Variants in CDH4 observed in about 807,000 individuals in gnomAD.
CDH4 encodes the protein cadherin 4, also known as cadherin-4.
In CDH4, 33 loss-of-function variants were observed where a neutral mutation model predicts 86.0. That is an observed-to-expected ratio of 0.38 (90% confidence interval 0.29 to 0.51). CDH4 has a LOEUF of 0.51. Among genes scored for constraint, CDH4 ranks in the 20% least tolerant of loss-of-function variants. The pLI is 0.86. For synonymous variants in CDH4, 555 were observed against 549.4 expected, an observed-to-expected ratio of 1.01 and a Z score of -0.14; for missense variants, 1,114 against 1,307.4, an observed-to-expected ratio of 0.85 and a Z score of 2.28.
At chr20:61,524,178 C>T (rs950236594) in intron 2 of CDH4, among the ~76,000 whole-genome samples, 4 of 152,166 alleles carry the variant, frequency 2.6e-5, no homozygotes, top group African/African-American at 9.7e-5. Context: ...TTGGTTTATG[C>T]TGCTGGGGTT....
chr20:61,846,411 G>A (rs538409243), intron 5 of CDH4, among the ~76,000 whole-genome samples: 53 of 152,306 alleles, frequency 3.5e-4, no homozygotes, highest in African/African-American at 1.0e-3. Flanking sequence ...TTGGGCTGCC[G>A]TCAACACGCG....
At chr20:61,771,001 T>C (rs180736295) in intron 3 of CDH4, among the ~76,000 whole-genome samples, 189 of 141,082 alleles carry the variant, frequency 1.3e-3, no homozygotes, top group African/African-American at 4.8e-3. Flanking sequence ...ATTTCTTTTT[T>C]CTTTTTTTCT....
chr20:61,304,294 C>T (rs1386274679), intron 2 of CDH4, among the ~76,000 whole-genome samples: 2 of 144,486 alleles, frequency 1.4e-5, no homozygotes, highest in Non-Finnish European at 3.0e-5. Context: ...TTGGTGTGGT[C>T]GTTATAGGAG....
intron 2 of CDH4, among the ~76,000 whole-genome samples, chr20:61,536,772 T>C (rs1192426647): frequency 1.3e-5 from 2 of 152,222 alleles, no homozygotes; most frequent in Non-Finnish European, 2.9e-5. Flanking sequence ...TGCCCTGGCA[T>C]CTGGTGGGTA....
At chr20:61,499,345 C>T (rs967747314) in intron 2 of CDH4, 133 of 809,396 alleles carry the variant, frequency 1.6e-4, no homozygotes, top group Admixed American at 3.4e-4. Flanking sequence ...AGTTTCGCCA[C>T]CTAGAAGGAT....
intron 2 of CDH4, among the ~76,000 whole-genome samples, chr20:61,565,112 G>A (rs1163922759): frequency 8.1e-6 from 1 of 123,652 alleles, no homozygotes; most frequent in Non-Finnish European, 1.8e-5. Flanking sequence ...TCTTGGTGGT[G>A]CTGGTGCTCT....
intron 4 of CDH4, among the ~76,000 whole-genome samples, chr20:61,795,914 T>C (rs902458022): frequency 2.0e-5 from 3 of 152,176 alleles, no homozygotes; most frequent in Admixed American, 2.0e-4. Context: ...AAGGGCGGGC[T>C]TTGTCCTGAG....
rs574471401 is a variant in CDH4, at chr20:61,868,225, C to A, written c.878-5503C>A. On this transcript the variant is annotated intron_variant, in intron 6 of 15. Coordinates refer to ENST00000614565, the MANE Select transcript of CDH4 (RefSeq NM_001794.5). ...AGAGGGGGTTCGTCCACGCCAGGAC[C>A]CCTTCCCAGGGCGGGCATCCTGGGG... 2.6e-3 allele frequency among the ~76,000 whole-genome samples: 394 copies of A among 152,318 alleles called. 1 individual carries two copies. Among genetic ancestry groups the A allele is most frequent in the Middle Eastern group, 0.01 (3 of 294 alleles).
At chr20:61,418,726 C>A (rs568511103) in intron 2 of CDH4, among the ~76,000 whole-genome samples, 1 of 152,054 alleles carries the variant, frequency 6.6e-6, no homozygotes, top group Non-Finnish European at 1.5e-5. Context: ...GTCTGGAGGC[C>A]GGAAGCCTGA....
intron 15 of CDH4, among the ~76,000 whole-genome samples, chr20:61,935,644 G>GGGA (rs1054924852): frequency 1.3e-5 from 2 of 152,006 alleles, no homozygotes; most frequent in Non-Finnish European, 2.9e-5. Context: ...CCAACACTTT[G>GGGA]GGAGGCCATG....
At chr20:61,647,778 C>T (rs1302765891) in intron 2 of CDH4, among the ~76,000 whole-genome samples, 1 of 152,142 alleles carries the variant, frequency 6.6e-6, no homozygotes, top group Admixed American at 6.5e-5. Context: ...CCTGACCCAT[C>T]TATTGCCTCT....
intron 3 of CDH4, 71 bp from the exon 4 acceptor site, chr20:61,772,932 C>G: frequency 7.3e-7 from 1 of 1,378,186 alleles, no homozygotes; most frequent in Non-Finnish European, 1.0e-6. Context: ...ATCATCTTAG[C>G]AGATGCCATT....
chr20:61,824,417 A>G (rs1338892180), intron 4 of CDH4, among the ~76,000 whole-genome samples: 3 of 152,100 alleles, frequency 2.0e-5, no homozygotes, highest in Non-Finnish European at 2.9e-5. Context: ...AAATGGATCA[A>G]TGATGGTGGA....
chr20:61,318,366 T>A (rs1300962638), intron 2 of CDH4, among the ~76,000 whole-genome samples: 1 of 152,246 alleles, frequency 6.6e-6, no homozygotes, highest in East Asian at 1.9e-4. Context: ...GGGTTTTGTT[T>A]GATCCTGTCC....
At chr20:61,727,157 TCATCATCATCAACACTGGAGC>T (rs1260803770) in intron 2 of CDH4, among the ~76,000 whole-genome samples, 2 of 147,324 alleles carry the variant, frequency 1.4e-5, no homozygotes, top group Non-Finnish European at 3.0e-5. Flanking sequence ...ACCATCAGAG[TCATCATCATCAACACTGGAGC>T]CATCATCACC....
chr20:61,279,278 C>T (rs931217988), intron 2 of CDH4, among the ~76,000 whole-genome samples: 9 of 152,212 alleles, frequency 5.9e-5, no homozygotes, highest in African/African-American at 2.2e-4. Context: ...AGTGGGGCTT[C>T]CTGGACTCCC....
intron 2 of CDH4, among the ~76,000 whole-genome samples, chr20:61,381,781 A>G (rs2084902506): frequency 6.6e-6 from 1 of 152,206 alleles, no homozygotes; most frequent in African/African-American, 2.4e-5. Context: ...AACTATTTAA[A>G]AAGATAACTG....
chr20:61,588,142 G>A (rs574738225), intron 2 of CDH4, among the ~76,000 whole-genome samples: 62 of 152,280 alleles, frequency 4.1e-4, no homozygotes, highest in African/African-American at 1.1e-3. Flanking sequence ...AGCCTGCCAC[G>A]ACCCTTCTGG....
intron 4 of CDH4, among the ~76,000 whole-genome samples, chr20:61,785,820 CT>C (rs150489761): frequency 0.014 from 2,166 of 152,364 alleles, 59 homozygotes; most frequent in African/African-American, 0.047. Context: ...GCAGAGGCCC[CT>C]GATGCTCCAG....
Sources: allele counts gnomAD v4.1 joint callset (sites outside exome capture counted in the v4.1 genomes callset), GRCh38; gene constraint gnomAD v4.1.1; transcripts MANE v1.5; gene names NCBI Gene and HGNC (gene_info 2026-07-23, HGNC 2026-07-21).